The following SHPRH variants were observed in gnomAD, a reference collection of about 807,000 sequenced individuals.
The protein encoded by SHPRH is E3 ubiquitin-protein ligase SHPRH.
A neutral mutation model predicts 202.5 loss-of-function variants in SHPRH; 106 were observed. The ratio of observed to expected loss-of-function variants is 0.52; its 90% confidence interval spans 0.45 to 0.62. SHPRH has a LOEUF of 0.62. Among genes scored for constraint, SHPRH ranks in the 20% least tolerant of loss-of-function variants. The probability of loss-of-function intolerance (pLI) is 0.00; values close to 1 mark genes in which losing one functional copy is unlikely to be tolerated. For synonymous variants in SHPRH, 729 were observed against 686.0 expected, an observed-to-expected ratio of 1.06 and a Z score of -0.98; for missense variants, 1,710 against 2,020.0, an observed-to-expected ratio of 0.85 and a Z score of 2.94.
In SHPRH at chr6:145,926,225, A is replaced by G. The variant is rs372133486; in HGVS notation, c.3273T>C (p.Arg1091=). 1.9e-5 allele frequency: 30 copies of G among 1,612,848 alleles called. No individual in the cohort carries two copies. Among genetic ancestry groups the G allele is most frequent in the Non-Finnish European group, 2.4e-5 (28 of 1,179,254 alleles). Reference sequence around the variant, plus strand: ...TTACCTCTTCCTCAAGTCGGCCATCACGCAAGGTAGGTGGTATCCCTGGGT... The same window carrying G: ...TTACCTCTTCCTCAAGTCGGCCATCGCGCAAGGTAGGTGGTATCCCTGGGT... ...ARHPGIPPTL[R]DGRLEEEAKQ... is the part of the protein sequence containing the mutation. The change falls in exon 16 of 30, where the codon CGT becomes CGC. Residue 1091 remains arginine (R), a synonymous_variant. Transcript: ENST00000275233.
At chr6:145,954,648 T>A (rs755889237) in intron 2 of SHPRH, 42 bp downstream of exon 2, 5 of 1,527,250 alleles carry the variant, frequency 3.3e-6, no homozygotes, top group East Asian at 2.3e-5. Flanking sequence ...GGACTGCCAA[T>A]GTAGAAGAGC....
intron 14 of SHPRH, among the ~76,000 whole-genome samples, chr6:145,931,250 G>A (rs1224622685): frequency 1.3e-5 from 2 of 151,950 alleles, no homozygotes. Flanking sequence ...TGATAAGCTT[G>A]TTTTTAAATC....
chr6:145,869,560 C>G (rs149360804), intron 2 of SHPRH, among the ~76,000 whole-genome samples: 1 of 152,264 alleles, frequency 6.6e-6, no homozygotes, highest in East Asian at 1.9e-4. Context: ...CCATTTGTTC[C>G]AGAACCATTC....
chr6:145,957,239 AAAACTT>A (rs1487139834), intron 1 of SHPRH, among the ~76,000 whole-genome samples: 1 of 152,154 alleles, frequency 6.6e-6, no homozygotes, highest in African/African-American at 2.4e-5. Context: ...AGCTAAAACT[AAAACTT>A]CTCAAAGAAA....
chr6:145,870,603 G>A (rs1473427508), intron 2 of SHPRH, among the ~76,000 whole-genome samples: 1 of 152,122 alleles, frequency 6.6e-6, no homozygotes, highest in East Asian at 1.9e-4. Context: ...TGTGAACAAA[G>A]ACAGTTTCAT....
rs146351395 is a variant in SHPRH at position 145,934,028 on chromosome 6, A to G, written c.2991-850T>C. 1.1e-4 allele frequency among the ~76,000 whole-genome samples: 16 copies of G among 152,254 alleles called. No homozygotes were observed. In the East Asian group the frequency reaches 3.1e-3, roughly 29 times the overall value. ...AATAATTTTAAAAAAAACCTCAACA[A>G]TAATCCTAATTTTAAAAGAAGTGTT... is the stretch of plus-strand genomic sequence containing the variant. On this transcript the variant is annotated intron_variant, in intron 13 of 29. Coordinates refer to ENST00000275233, the MANE Select transcript of SHPRH (RefSeq NM_001042683.3).
intron 25 of SHPRH, chr6:145,909,163 A>G (rs1233849575): frequency 6.6e-6 from 1 of 152,104 alleles, no homozygotes; most frequent in Non-Finnish European, 1.5e-5. Context: ...GTTTGAAATC[A>G]GGTAGCATGA....
At chr6:145,924,577 T>C (rs1784701740) in intron 17 of SHPRH, among the ~76,000 whole-genome samples, 162 bp downstream of exon 17, 1 of 151,900 alleles carries the variant, frequency 6.6e-6, no homozygotes, top group Non-Finnish European at 1.5e-5. Flanking sequence ...CAATAAATCA[T>C]TGCTAACAGT....
chr6:145,961,066 C>T (rs1285771654), intron 1 of SHPRH, among the ~76,000 whole-genome samples: 1 of 151,780 alleles, frequency 6.6e-6, no homozygotes, highest in Non-Finnish European at 1.5e-5. Flanking sequence ...CTCGCTTGCC[C>T]GCAACTCACC....
At chr6:145,865,593 G>A (rs1036159761) in intron 2 of SHPRH, among the ~76,000 whole-genome samples, 4 of 152,196 alleles carry the variant, frequency 2.6e-5, no homozygotes, top group Non-Finnish European at 5.9e-5. Context: ...AGAAGCAGAC[G>A]TTTAATTTCC....
At chr6:145,919,320 C>T (rs1381332034) in intron 22 of SHPRH, 28 bp downstream of exon 22, 3 of 1,611,048 alleles carry the variant, frequency 1.9e-6, no homozygotes, top group Non-Finnish European at 8.5e-7. Context: ...CTTGCTGTTC[C>T]CTTTTCTGTG....
In SHPRH at chr6:145,893,223, T is replaced by C; in HGVS notation, c.4866A>G (p.Gly1622=). ...LQAIGRVHRI[G]QTKPTIVHRF... ...CTAATTTTAGTCCTTACTTTGTCTG[T>C]CCAATTCGGTGCACCCTCCCTATGG... is the stretch of plus-strand genomic sequence containing the variant. The change falls in exon 28 of 30, where the codon GGA becomes GGG. Residue 1622 remains glycine, a synonymous_variant. Coordinates refer to ENST00000275233, the MANE Select transcript of SHPRH (RefSeq NM_001042683.3). 6.5e-7 allele frequency: 1 copy of C among 1,548,748 alleles called. No individual in the cohort carries two copies. The highest frequency in any genetic ancestry group is 8.7e-7 in the Non-Finnish European group (1 of 1,152,968).
chr6:145,910,301 G>T, intron 25 of SHPRH, 147 bp downstream of exon 25: 2 of 815,266 alleles, frequency 2.5e-6, no homozygotes, highest in Non-Finnish European at 3.8e-6. Flanking sequence ...TTAAGCTGAG[G>T]CTTTCAGGCA....
In SHPRH at chr6:145,950,298, T is replaced by C. The variant is rs1002267811; in HGVS notation, c.948A>G (p.Leu316=). ...GACTGCTTCTGAAACACTCTTGTTG[T>C]AGCATCCAATTGACAGCCTCTCTTT... ...PYQREAVNWM[L]QQECFRSSPA... is the part of the protein sequence containing the mutation. The change falls in exon 4 of 30, where the codon CTA becomes CTG. Residue 316 remains leucine, a synonymous_variant. Coordinates refer to ENST00000275233, the MANE Select transcript of SHPRH (RefSeq NM_001042683.3). The C allele has an allele frequency of 2.5e-6, 4 of 1,613,082 alleles. No homozygotes were observed. The highest frequency in any genetic ancestry group is 3.4e-6 in the Non-Finnish European group (4 of 1,179,346).
intron 1 of SHPRH, among the ~76,000 whole-genome samples, chr6:145,956,335 G>A (rs1377995673): frequency 2.0e-5 from 3 of 151,850 alleles, no homozygotes; most frequent in Admixed American, 6.6e-5. Flanking sequence ...ACCCAATCAG[G>A]GCAAACATAA....
chr6:145,873,902 CAA>C (rs2128693509), intron 2 of SHPRH, among the ~76,000 whole-genome samples: 1 of 152,200 alleles, frequency 6.6e-6, no homozygotes, highest in African/African-American at 2.4e-5. Flanking sequence ...ATTATGACAT[CAA>C]AATGTGTGGG....
chr6:145,961,973 C>T (rs1789134482), intron 1 of SHPRH, among the ~76,000 whole-genome samples: 1 of 152,224 alleles, frequency 6.6e-6, no homozygotes, highest in Non-Finnish European at 1.5e-5. Context: ...CTGTATCTAA[C>T]CACATCCCAT....
At position 145,941,759 on chromosome 6, in the gene SHPRH, G is replaced by T. The variant is rs756404584; in HGVS notation, c.2354C>A (p.Pro785Gln). ...ACGCCCATCCTCACTATTGCTATGT[G>T]GGATATCGACATAATTTAATTCTGA... ...LRSELNYVDI[P>Q]HSNSEDGRRL... Residue 785 changes from proline (P) to glutamine (Q), a missense_variant, in exon 10 of 30, where the codon CCA becomes CAA. Pro to Gln is a moderately conservative substitution (Grantham distance 76). Transcript: ENST00000275233. The T allele has an allele frequency of 1.2e-6, 2 of 1,613,958 alleles. No individual in the cohort carries two copies. Among genetic ancestry groups the T allele is most frequent in the Non-Finnish European group, 1.7e-6 (2 of 1,179,956 alleles).
chr6:145,954,636 T>C lies in SHPRH; in HGVS notation c.633+54A>G, dbSNP rs745365922. On this transcript the variant is annotated intron_variant, in intron 2 of 29. Transcript: ENST00000275233. ...ACTTCTCTCACAAGTTAATTTAAAA[T>C]TGGACTGCCAATGTAGAAGAGCCTC... 1.3e-5 allele frequency: 19 copies of C among 1,507,874 alleles called. No homozygotes were observed. In the Middle Eastern group the frequency reaches 5.3e-4, roughly 42 times the overall value. 93.4% of individuals were successfully genotyped at this position (1,507,874 alleles called of 1,614,324 possible).
Sources: allele counts gnomAD v4.1 joint callset (sites outside exome capture counted in the v4.1 genomes callset), GRCh38; gene constraint gnomAD v4.1.1; transcripts MANE v1.5; gene names NCBI Gene and HGNC (gene_info 2026-07-23, HGNC 2026-07-21).